The following DOCK3 variants were observed in gnomAD, a reference collection of about 807,000 sequenced individuals.
DOCK3 encodes dedicator of cytokinesis protein 3.
In DOCK3, 60 loss-of-function variants were observed where a neutral mutation model predicts 265.6. The ratio of observed to expected loss-of-function variants is 0.23; its 90% CI spans 0.18 to 0.28. DOCK3 has a LOEUF of 0.28. Ranked by LOEUF, DOCK3 falls within the 10% of genes least tolerant of loss-of-function variation. DOCK3 has a pLI of 1.00. For synonymous variants in DOCK3, 881 were observed against 938.0 expected (o/e 0.94, Z 1.11); for missense variants, 1,981 against 2,594.3 (o/e 0.76, Z 5.14).
intron 5 of DOCK3, among the ~76,000 whole-genome samples, chr3:50,973,824 C>T (rs1322609243): frequency 1.5e-5 from 2 of 134,374 alleles, no homozygotes; most frequent in African/African-American, 5.7e-5. Context: ...TTTTAATGAT[C>T]GCCATTCTAA....
chr3:51,081,215 C>T (rs1402259123), intron 7 of DOCK3, among the ~76,000 whole-genome samples: 2 of 152,118 alleles, frequency 1.3e-5, no homozygotes, highest in African/African-American at 4.8e-5. Flanking sequence ...GAAACTTCCA[C>T]TGCCACAACC....
At chr3:50,955,431 A>G (rs965574880) in intron 5 of DOCK3, among the ~76,000 whole-genome samples, 1 of 152,212 alleles carries the variant, frequency 6.6e-6, no homozygotes, top group African/African-American at 2.4e-5. Context: ...CATGGAATCA[A>G]CCTAAATGCT....
chr3:51,140,177 T>C (rs76150957), intron 9 of DOCK3, among the ~76,000 whole-genome samples: 4,464 of 152,330 alleles, frequency 0.029, 104 homozygotes, highest in Non-Finnish European at 0.047. Context: ...GTTAGAGTTA[T>C]GCAACCATTT....
intron 2 of DOCK3, among the ~76,000 whole-genome samples, chr3:50,827,755 A>G (rs906966979): frequency 1.3e-5 from 2 of 152,044 alleles, no homozygotes; most frequent in African/African-American, 4.8e-5. Context: ...TTGCACTTTG[A>G]TATAGTTAGG....
chr3:51,225,608 G>T (rs1177323090), intron 14 of DOCK3, 41 bp from the exon 15 acceptor site: 2 of 1,584,310 alleles, frequency 1.3e-6, no homozygotes, highest in Non-Finnish European at 1.7e-6. Flanking sequence ...GGGCAGTATG[G>T]CTTCTGGAGT....
chr3:51,125,850 C>T (rs1339716255), intron 9 of DOCK3, among the ~76,000 whole-genome samples: 1 of 152,118 alleles, frequency 6.6e-6, no homozygotes, highest in Non-Finnish European at 1.5e-5. Flanking sequence ...ACAAGAGTAT[C>T]AATACCAGTA....
chr3:51,205,174 A>G (rs948251558), intron 12 of DOCK3, among the ~76,000 whole-genome samples: 1 of 150,640 alleles, frequency 6.6e-6, no homozygotes, highest in Non-Finnish European at 1.5e-5. Context: ...AATAATAAAA[A>G]TAAATAAATA....
chr3:51,243,221 C>T (rs1423742915), intron 21 of DOCK3, among the ~76,000 whole-genome samples: 1 of 152,202 alleles, frequency 6.6e-6, no homozygotes, highest in Non-Finnish European at 1.5e-5. Flanking sequence ...TACAGACACT[C>T]CCATACCAAA....
intron 4 of DOCK3, among the ~76,000 whole-genome samples, chr3:50,895,851 CT>C (rs1340838393): frequency 6.6e-6 from 1 of 152,002 alleles, no homozygotes; most frequent in Non-Finnish European, 1.5e-5. Flanking sequence ...GAACTCATCC[CT>C]TTTTTATGGC....
At chr3:51,158,318 G>A (rs561804808) in intron 10 of DOCK3, among the ~76,000 whole-genome samples, 3 of 152,292 alleles carry the variant, frequency 2.0e-5, no homozygotes, top group East Asian at 3.9e-4. Context: ...GGCTGAGGCA[G>A]GAAGATTGCT....
At chr3:51,331,259 G>A (rs192356687) in intron 33 of DOCK3, among the ~76,000 whole-genome samples, 3 of 152,178 alleles carry the variant, frequency 2.0e-5, no homozygotes, top group Admixed American at 2.0e-4. Context: ...GGAGTCATGA[G>A]GTAAAATGTA....
intron 1 of DOCK3, among the ~76,000 whole-genome samples, chr3:50,686,908 CAA>C (rs34051001): frequency 2.3e-4 from 21 of 90,690 alleles, no homozygotes; most frequent in East Asian, 1.3e-3. Context: ...GACTCCATCT[CAA>C]AAAAAAAAAA....
At chr3:51,239,244 C>G (rs1046961932) in intron 21 of DOCK3, among the ~76,000 whole-genome samples, 43 of 91,088 alleles carry the variant, frequency 4.7e-4, no homozygotes, top group Non-Finnish European at 3.4e-4. Flanking sequence ...GAGTCTCACT[C>G]TGTCACCTAG....
chr3:51,200,352 G>A (rs2088638431), intron 12 of DOCK3, among the ~76,000 whole-genome samples: 1 of 150,670 alleles, frequency 6.6e-6, no homozygotes, highest in Non-Finnish European at 1.5e-5. Context: ...TGATGGAGCT[G>A]AAAGCCAAGG....
At chr3:50,772,055 C>G (rs189070919) in intron 1 of DOCK3, among the ~76,000 whole-genome samples, 60 of 152,244 alleles carry the variant, frequency 3.9e-4, no homozygotes, top group Admixed American at 9.2e-4. Flanking sequence ...CATCCATGAA[C>G]AGATGAATGG....
intron 1 of DOCK3, among the ~76,000 whole-genome samples, chr3:50,744,733 C>A (rs1287433554): frequency 2.0e-5 from 3 of 152,100 alleles, no homozygotes. Context: ...CTGTATCTGG[C>A]CTTCAGTTAA....
At position 50,675,227 on chromosome 3, in the gene DOCK3, C is replaced by T. The variant is rs761304052; in HGVS notation, c.-37C>T. 1.7e-6 allele frequency: 2 copies of T among 1,144,148 alleles called. No homozygotes were observed. Among genetic ancestry groups the T allele is most frequent in the African/African-American group, 3.3e-5 (2 of 60,330 alleles). 70.9% of individuals were successfully genotyped at this position (1,144,148 alleles called of 1,614,324 possible). A position where few individuals can be genotyped will look rare whatever the true frequency, so the allele number is the denominator to read the frequency against. On this transcript the variant is annotated 5_prime_UTR_variant, in exon 1 of 53. Coordinates refer to ENST00000266037, the MANE Select transcript of DOCK3 (RefSeq NM_004947.5). This position sits in a 1 kb window ranked among gnomAD's most constrained non-coding sequence, Gnocchi z 6.1. Reference sequence around the variant, plus strand: ...CGGCCGTCCCCGCCGCGTTGTCGCCCGGTCGCCGCGCCCGCGGGGCCGCGC... The same window carrying T: ...CGGCCGTCCCCGCCGCGTTGTCGCCTGGTCGCCGCGCCCGCGGGGCCGCGC...
intron 2 of DOCK3, among the ~76,000 whole-genome samples, chr3:50,840,223 A>T (rs1294293202): frequency 6.6e-6 from 1 of 152,108 alleles, no homozygotes; most frequent in Non-Finnish European, 1.5e-5. Context: ...TTTAATTTTA[A>T]TGAAGCTCTG....
At chr3:50,738,846 G>T (rs552039146) in intron 1 of DOCK3, among the ~76,000 whole-genome samples, 28 of 152,110 alleles carry the variant, frequency 1.8e-4, no homozygotes, top group African/African-American at 6.3e-4. Flanking sequence ...AATTTTCTAG[G>T]TTTGTGACTT....
Sources: gnomAD v4.1 joint callset for allele counts (sites outside exome capture counted in the v4.1 genomes callset) on GRCh38, gnomAD v4.1.1 for gene constraint, Gnocchi (gnomAD v3.1) non-coding constraint, MANE v1.5 for transcripts, NCBI Gene and HGNC (gene_info 2026-07-23, HGNC 2026-07-21) for gene names.